Variants in TMEM50B observed in about 807,000 individuals in gnomAD.
The protein encoded by TMEM50B is transmembrane protein 50B, also known as HCV p7-trans-regulated protein 3.
TMEM50B carries 14 observed loss-of-function variants against 23.4 expected under a neutral mutation model. That is an observed-to-expected ratio of 0.60 (90% CI 0.39 to 0.93). The LOEUF (loss-of-function observed/expected upper bound fraction) is 0.93. TMEM50B is among the 40% of genes least tolerant of loss of function. TMEM50B has a pLI of 0.00. For missense variants in TMEM50B, 159 were observed against 193.0 expected (o/e 0.82, Z 1.04); for synonymous variants, 64 against 62.3 (o/e 1.03, Z -0.13).
chr21:33,458,574 T>G (rs2084190241), intron 5 of TMEM50B, among the ~76,000 whole-genome samples: 1 of 152,094 alleles, frequency 6.6e-6, no homozygotes, highest in Non-Finnish European at 1.5e-5. Flanking sequence ...GAAAGTACAT[T>G]AGTGGCTGCC....
At chr21:33,475,635 C>T (rs1027550393) in intron 1 of TMEM50B, among the ~76,000 whole-genome samples, 4 of 151,876 alleles carry the variant, frequency 2.6e-5, no homozygotes, top group South Asian at 2.1e-4. Context: ...CGTGAGCCAC[C>T]GCGCCCAGGA....
intron 1 of TMEM50B, among the ~76,000 whole-genome samples, chr21:33,469,294 A>G (rs768953413): frequency 3.9e-5 from 6 of 152,152 alleles, no homozygotes; most frequent in Non-Finnish European, 8.8e-5. Context: ...TACTAAAAAT[A>G]CAAAAAATTA....
rs1173995212 is a variant in TMEM50B, at chr21:33,449,346, G to C, written c.*1472C>G. On this transcript the variant is annotated 3_prime_UTR_variant, in exon 7 of 7. Coordinates refer to ENST00000542230, the MANE Select transcript of TMEM50B (RefSeq NM_006134.7). The stretch of plus-strand genomic sequence containing the variant: ...CTGTGCACAAGAAATCCTCTCAAGA[G>C]AGAGGAGAGGAGTGATGCCAAATGG... The C allele has an allele frequency of 1.3e-5, 2 of 152,550 alleles. No individual in the cohort carries two copies. The highest frequency in any genetic ancestry group is 6.6e-5 in the Admixed American group (1 of 15,264). The allele number at this position is 152,550 out of a possible 1,614,324, so 9.4% of individuals were successfully genotyped here.
chr21:33,445,181 T>C (rs1185463680), downstream of TMEM50B, among the ~76,000 whole-genome samples: 2 of 151,090 alleles, frequency 1.3e-5, no homozygotes, highest in African/African-American at 4.9e-5. Context: ...ACCTCTGGGG[T>C]GGGGAAGAGG....
chr21:33,467,264 C>T (rs1053617124), intron 2 of TMEM50B, 142 bp from the exon 3 acceptor site: 21 of 651,816 alleles, frequency 3.2e-5, no homozygotes, highest in Non-Finnish European at 4.6e-5. Flanking sequence ...CTTTGGGAGG[C>T]CAAGGCAGGT....
rs149157204 is a variant in TMEM50B, at chr21:33,474,060, C to A, written c.-41-5134G>T. Among the ~76,000 whole-genome samples the A allele has an allele frequency of 2.6e-5, 4 of 152,118 alleles. No individual in the cohort carries two copies. In the East Asian group the frequency reaches 7.7e-4, roughly 29 times the overall value. On this transcript the variant is annotated intron_variant, in intron 1 of 6. Transcript: ENST00000542230. ...AGTGACTGCAAAAGGCTACAAGATT[C>A]TAAAACTAGATTGTGGCAATGACTG... is the stretch of plus-strand genomic sequence containing the variant.
chr21:33,464,346 T>A (rs1322848924), intron 4 of TMEM50B, among the ~76,000 whole-genome samples: 1 of 151,680 alleles, frequency 6.6e-6, no homozygotes, highest in Non-Finnish European at 1.5e-5. Context: ...TACAGAAGTG[T>A]GTCACCACGC....
intron 6 of TMEM50B, among the ~76,000 whole-genome samples, chr21:33,453,743 G>A (rs904582271): frequency 5.3e-5 from 8 of 151,990 alleles, no homozygotes; most frequent in Admixed American, 1.3e-4. Flanking sequence ...GATTTATGGG[G>A]GATGGGGACA....
At position 33,450,908 on chromosome 21, in the gene TMEM50B, C is replaced by T. The variant is rs779445023; in HGVS notation, c.432-45G>A. 6.0e-6 allele frequency: 9 copies of T among 1,507,030 alleles called. No homozygotes were observed. The African/African-American group carries it at 9.7e-5, about 16-fold the overall frequency. The allele number at this position is 1,507,030 out of a possible 1,614,324, so 93.4% of individuals were successfully genotyped here. A position where few individuals can be genotyped will look rare whatever the true frequency, so the allele number is the denominator to read the frequency against. On this transcript the variant is annotated intron_variant, in intron 6 of 6. Transcript: ENST00000542230. ...AATCATGAGGAAAAAACCGATGGAA[C>T]AAGCAACACAGAATTCATTTTCTCA...
intron 8 of TMEM50B, among the ~76,000 whole-genome samples, chr21:33,438,875 G>A (rs1274737514): frequency 1.3e-5 from 2 of 152,012 alleles, no homozygotes; most frequent in Admixed American, 6.6e-5. Flanking sequence ...GATTACAGGC[G>A]TGCACCACTA....
chr21:33,471,398 T>C (rs1001776213), intron 1 of TMEM50B, among the ~76,000 whole-genome samples: 4 of 152,084 alleles, frequency 2.6e-5, no homozygotes, highest in Non-Finnish European at 5.9e-5. Context: ...TGATCTATTT[T>C]TAAGGAGGAA....
chr21:33,447,681 T>TACAC (rs764155101), downstream of TMEM50B, among the ~76,000 whole-genome samples: 7,673 of 131,770 alleles, frequency 0.058, 272 homozygotes, highest in Non-Finnish European at 0.068. Context: ...TGTATAGAAA[T>TACAC]ACACACACAC....
At chr21:33,448,361 T>G (rs770238242), downstream of TMEM50B, among the ~76,000 whole-genome samples, 13 of 152,100 alleles carry the variant, frequency 8.5e-5, no homozygotes, top group Non-Finnish European at 1.5e-4. Flanking sequence ...AAAAACAAAT[T>G]CAGGGTTGGG....
chr21:33,466,994 T>C lies in TMEM50B; in HGVS notation c.212+16A>G. 1 of 1,595,264 alleles carries C rather than the reference T, an allele frequency of 6.3e-7. No homozygotes were observed. Among genetic ancestry groups the C allele is most frequent in the Non-Finnish European group, 8.6e-7 (1 of 1,164,158 alleles). ...TAGAAAAATCACCTTGAATAGAGAA[T>C]TATCTTCATACTTACATGAAGAAAG... is the stretch of plus-strand genomic sequence containing the variant. On this transcript the variant is annotated intron_variant, in intron 3 of 6. Transcript: ENST00000542230.
chr21:33,452,254 G>C (rs1043633671), intron 6 of TMEM50B, among the ~76,000 whole-genome samples: 1 of 152,202 alleles, frequency 6.6e-6, no homozygotes, highest in Non-Finnish European at 1.5e-5. Context: ...AACCAGGAGT[G>C]TCAAGGCCAC....
chr21:33,457,604 CTG>C (rs1416945734), intron 5 of TMEM50B, among the ~76,000 whole-genome samples: 3 of 148,650 alleles, frequency 2.0e-5, no homozygotes, highest in Non-Finnish European at 4.4e-5. Context: ...TGAGCCGAGA[CTG>C]TGCCATTGCA....
intron 4 of TMEM50B, among the ~76,000 whole-genome samples, chr21:33,462,822 C>T (rs2084228759): frequency 6.6e-6 from 1 of 152,190 alleles, no homozygotes; most frequent in Non-Finnish European, 1.5e-5. Context: ...CCTGACATTA[C>T]TGCTGAGGCT....
chr21:33,455,815 GT>G, intron 5 of TMEM50B, 31 bp from the exon 6 acceptor site: 2 of 1,537,020 alleles, frequency 1.3e-6, no homozygotes, highest in Non-Finnish European at 1.8e-6. Context: ...AGATTAGACG[GT>G]TATATAGGCA....
intron 4 of TMEM50B, 82 bp downstream of exon 4, chr21:33,465,259 AT>A: frequency 1.0e-6 from 1 of 955,632 alleles, no homozygotes; most frequent in Non-Finnish European, 1.7e-6. Context: ...CCAGTCTTGA[AT>A]AAAGACTCAC....
Sources: gnomAD v4.1 joint callset for allele counts (sites outside exome capture counted in the v4.1 genomes callset) on GRCh38, gnomAD v4.1.1 for gene constraint, MANE v1.5 for transcripts, NCBI Gene and HGNC (gene_info 2026-07-23, HGNC 2026-07-21) for gene names.